Variants in NBEA observed in about 807,000 individuals in gnomAD.
The protein encoded by NBEA is lysosomal-trafficking regulator 2.
A neutral mutation model predicts 343.4 loss-of-function variants in NBEA; 44 were observed. That is an observed-to-expected ratio of 0.13 (90% confidence interval 0.10 to 0.16). The LOEUF (loss-of-function observed/expected upper bound fraction) is 0.16. NBEA is among the 10% of genes least tolerant of loss of function. The pLI is 1.00. For missense variants in NBEA, 2,555 were observed against 3,631.3 expected (o/e 0.70, Z 7.62); for synonymous variants, 1,175 against 1,238.7 (o/e 0.95, Z 1.08).
chr13:35,512,226 A>T (rs1006031918), intron 41 of NBEA, among the ~76,000 whole-genome samples: 2 of 152,310 alleles, frequency 1.3e-5, no homozygotes, highest in Non-Finnish European at 2.9e-5. Flanking sequence ...ATCAATTAAA[A>T]TCTTGGCTGC....
Position 35,452,561 on chromosome 13 carries a change from T to C in NBEA, c.6448+326T>C, listed in dbSNP as rs116330655. Among the ~76,000 whole-genome samples the C allele has an allele frequency of 5.2e-3, 793 of 152,316 alleles. 9 individuals carry two copies. Among genetic ancestry groups the C allele is most frequent in the African/African-American group, 0.018 (737 of 41,582 alleles). ...GAGGTGGGACAGAATGACAGTTTCA[T>C]TGATTTACGTGTATCTCCAACATGC... On this transcript the variant is annotated intron_variant, in intron 40 of 58. Coordinates refer to ENST00000379939, the MANE Select transcript of NBEA (RefSeq NM_001385012.1).
In NBEA at chr13:35,668,535, G is replaced by A; in HGVS notation, c.8813+16G>A. The A allele has an allele frequency of 1.3e-6, 2 of 1,568,666 alleles. No individual in the cohort carries two copies. The highest frequency in any genetic ancestry group is 1.2e-5 in the South Asian group (1 of 84,944). On this transcript the variant is annotated intron_variant, in intron 58 of 58. Transcript: ENST00000379939. ...ATGACCAGAGGTGAGCTGCGTCAAG[G>A]ACAAGTATCATCACTGAGAACTGTC...
At chr13:35,450,178 C>G (rs2046235268) in intron 39 of NBEA, among the ~76,000 whole-genome samples, 2 of 151,942 alleles carry the variant, frequency 1.3e-5, no homozygotes, top group Admixed American at 1.3e-4. Context: ...GATGTACTTG[C>G]AAGAAAATGG....
intron 40 of NBEA, among the ~76,000 whole-genome samples, chr13:35,456,223 A>G (rs1003977323): frequency 3.9e-5 from 6 of 151,988 alleles, no homozygotes; most frequent in South Asian, 2.1e-4. Flanking sequence ...ACAAAATTCT[A>G]TAGCTTTAAA....
chr13:35,447,541 G>A (rs934996529), intron 39 of NBEA, among the ~76,000 whole-genome samples: 1 of 151,772 alleles, frequency 6.6e-6, no homozygotes, highest in African/African-American at 2.4e-5. Context: ...GCTTTCATGG[G>A]TTATTTCTCA....
intron 41 of NBEA, among the ~76,000 whole-genome samples, chr13:35,509,427 T>C (rs2077191018): frequency 6.6e-6 from 1 of 151,882 alleles, no homozygotes; most frequent in Non-Finnish European, 1.5e-5. Flanking sequence ...AAACTAGCAG[T>C]ATATGTAAGG....
chr13:35,571,565 A>G (rs1233661561), intron 45 of NBEA, among the ~76,000 whole-genome samples: 1 of 152,210 alleles, frequency 6.6e-6, no homozygotes, highest in East Asian at 1.9e-4. Flanking sequence ...TAAGGCACCT[A>G]GTATAATGCC....
intron 38 of NBEA, among the ~76,000 whole-genome samples, chr13:35,371,806 G>A (rs1312741551): frequency 6.6e-6 from 1 of 152,116 alleles, no homozygotes; most frequent in Non-Finnish European, 1.5e-5. Flanking sequence ...TGTTTGTTGG[G>A]TAGGGCACTT....
chr13:35,418,724 T>C (rs2044099021), intron 38 of NBEA, among the ~76,000 whole-genome samples: 2 of 152,050 alleles, frequency 1.3e-5, no homozygotes. Context: ...GAACATATTA[T>C]TCTACAGTAG....
intron 41 of NBEA, among the ~76,000 whole-genome samples, chr13:35,482,493 A>G (rs931924486): frequency 3.3e-5 from 5 of 151,546 alleles, no homozygotes; most frequent in Non-Finnish European, 7.4e-5. Context: ...AAAAATATCA[A>G]TTCTAAAGTA....
intron 45 of NBEA, 43 bp downstream of exon 45, chr13:35,567,060 A>G (rs2080169066): frequency 2.0e-6 from 2 of 993,306 alleles, no homozygotes; most frequent in Non-Finnish European, 3.2e-6. Context: ...TCATAAGGCT[A>G]TAGTCTAATA....
At chr13:35,660,756 TG>T in intron 55 of NBEA, among the ~76,000 whole-genome samples, 1 of 152,304 alleles carries the variant, frequency 6.6e-6, no homozygotes, top group South Asian at 2.1e-4. Flanking sequence ...AATGAAAGCA[TG>T]GCCGATGGAT....
intron 26 of NBEA, among the ~76,000 whole-genome samples, chr13:35,172,869 T>C (rs1005994703): frequency 6.6e-6 from 1 of 152,102 alleles, no homozygotes; most frequent in Non-Finnish European, 1.5e-5. Context: ...TCTGTACTAC[T>C]TGTTACAGTA....
chr13:35,634,868 C>T (rs1252609973), intron 49 of NBEA, among the ~76,000 whole-genome samples: 1 of 152,098 alleles, frequency 6.6e-6, no homozygotes, highest in Non-Finnish European at 1.5e-5. Flanking sequence ...CCCTTTGGAT[C>T]GGCTATGGTG....
In NBEA at chr13:35,168,609, T is replaced by C. The variant is rs957440625; in HGVS notation, c.4234-378T>C. On this transcript the variant is annotated intron_variant, in intron 24 of 58. Transcript: ENST00000379939. ...GAGTCATTTCTGCCTAAACCAGAAT[T>C]GAGGTAGGGATTTTGCAGAGGCATT... Among the ~76,000 whole-genome samples, 14 of 151,568 alleles carry C rather than the reference T, an allele frequency of 9.2e-5. No homozygotes were observed. The East Asian group carries it at 2.7e-3, about 29-fold the overall frequency.
In NBEA at chr13:35,061,627, T is replaced by C. The variant is rs796352511; in HGVS notation, c.1239+2764T>C. ...TTAGCTTTGAGTTCTCTCCTTCATT[T>C]ATGAATATGATAACAATGGTTTTAT... On this transcript the variant is annotated intron_variant, in intron 8 of 58. Transcript: ENST00000379939. Among the ~76,000 whole-genome samples, 24 of 151,880 alleles carry C rather than the reference T, an allele frequency of 1.6e-4. 1 individual carries two copies. The highest frequency in any genetic ancestry group is 5.5e-4 in the African/African-American group (23 of 41,528).
In NBEA at chr13:35,277,411, C is replaced by T. The variant is rs145820064; in HGVS notation, c.5777-12978C>T. Among the ~76,000 whole-genome samples, 133 of 151,988 alleles carry T rather than the reference C, an allele frequency of 8.8e-4. 1 individual carries two copies. Among genetic ancestry groups the T allele is most frequent in the Non-Finnish European group, 1.8e-3 (120 of 67,946 alleles). On this transcript the variant is annotated intron_variant, in intron 34 of 58. Coordinates refer to ENST00000379939, the MANE Select transcript of NBEA (RefSeq NM_001385012.1). The stretch of plus-strand genomic sequence containing the variant: ...CCGAGGTGGGTAGATCACTTGAGGT[C>T]GGGTGTTCCAGACCAGCCTGACCAA...
intron 55 of NBEA, among the ~76,000 whole-genome samples, chr13:35,661,518 C>T (rs910834386): frequency 4.6e-5 from 7 of 152,206 alleles, no homozygotes; most frequent in African/African-American, 1.7e-4. Flanking sequence ...TGACATTTTC[C>T]AACCCACAGA....
chr13:35,480,058 G>GAAAAA (rs35107997), intron 41 of NBEA, among the ~76,000 whole-genome samples: 6 of 136,346 alleles, frequency 4.4e-5, no homozygotes, highest in African/African-American at 1.4e-4. Context: ...TACCAGTTAG[G>GAAAAA]AAAAAAAAAA....
Sources: gnomAD v4.1 joint callset for allele counts (sites outside exome capture counted in the v4.1 genomes callset) on GRCh38, gnomAD v4.1.1 for gene constraint, MANE v1.5 for transcripts, NCBI Gene and HGNC (gene_info 2026-07-23, HGNC 2026-07-21) for gene names.